Variants in OXR1 observed in about 807,000 individuals in gnomAD.
The protein encoded by OXR1 is oxidation resistance protein 1.
In OXR1, 41 loss-of-function variants were observed where a neutral mutation model predicts 104.6. The observed-to-expected ratio is 0.39, with a 90% CI of 0.31 to 0.51. The LOEUF is 0.51. Ranked by LOEUF, OXR1 falls within the 20% of genes least tolerant of loss-of-function variation. The pLI, the probability that OXR1 is intolerant of heterozygous loss-of-function variation, is 0.77. For missense variants in OXR1, 955 were observed against 1,031.9 expected (o/e 0.93, Z 1.02); for synonymous variants, 348 against 348.4 (o/e 1.00, Z 0.01).
intron 2 of OXR1, among the ~76,000 whole-genome samples, chr8:106,508,245 C>A (rs1276760285): frequency 6.6e-6 from 1 of 152,154 alleles, no homozygotes; most frequent in African/African-American, 2.4e-5. Context: ...ATGTTCTCTT[C>A]TGTAATAGAA....
intron 14 of OXR1, among the ~76,000 whole-genome samples, chr8:106,740,742 C>T (rs149809972): frequency 6.6e-6 from 1 of 151,978 alleles, no homozygotes; most frequent in East Asian, 1.9e-4. Context: ...ATACCAACAT[C>T]TCTAATGGTG....
chr8:106,387,374 C>A (rs1404062152), intron 2 of OXR1, among the ~76,000 whole-genome samples: 2 of 152,058 alleles, frequency 1.3e-5, no homozygotes, highest in Non-Finnish European at 2.9e-5. Context: ...GTGGGTTTAC[C>A]ACAGAAACTC....
chr8:106,726,180 G>T (rs571764077), intron 11 of OXR1: 65 of 1,489,636 alleles, frequency 4.4e-5, no homozygotes, highest in Admixed American at 3.3e-4. Flanking sequence ...TTTGACAGAG[G>T]AAGAATGCTT....
At chr8:106,547,929 A>G (rs1462327439) in intron 3 of OXR1, among the ~76,000 whole-genome samples, 1 of 152,140 alleles carries the variant, frequency 6.6e-6, no homozygotes, top group Non-Finnish European at 1.5e-5. Flanking sequence ...ACTACTATAA[A>G]CATGGACGTA....
intron 8 of OXR1, among the ~76,000 whole-genome samples, chr8:106,705,288 T>G (rs1831037015): frequency 6.6e-6 from 1 of 152,142 alleles, no homozygotes; most frequent in Non-Finnish European, 1.5e-5. Flanking sequence ...ACAAACTAGA[T>G]TCTTGTTTTT....
chr8:106,730,000 C>G (rs1833729057), intron 11 of OXR1: 2 of 151,756 alleles, frequency 1.3e-5, no homozygotes, highest in Admixed American at 1.3e-4. Flanking sequence ...TTTTTCTCAT[C>G]TTGTGTCACC....
chr8:106,379,717 T>C (rs1187413324), intron 2 of OXR1, among the ~76,000 whole-genome samples: 1 of 151,850 alleles, frequency 6.6e-6, no homozygotes, highest in Non-Finnish European at 1.5e-5. Context: ...TTTGTATTTT[T>C]ATCATGGTAG....
intron 2 of OXR1, among the ~76,000 whole-genome samples, chr8:106,514,151 G>A (rs1390350827): frequency 6.6e-6 from 1 of 151,890 alleles, no homozygotes; most frequent in Admixed American, 6.6e-5. Flanking sequence ...GCTTATTTTT[G>A]TCTTCATTTT....
chr8:106,394,612 C>G (rs755397450), intron 2 of OXR1, among the ~76,000 whole-genome samples: 6 of 152,056 alleles, frequency 3.9e-5, no homozygotes, highest in Non-Finnish European at 5.9e-5. Context: ...AGAGTGGGAC[C>G]TATTGATTTT....
At chr8:106,425,086 T>G (rs1819058880) in intron 2 of OXR1, among the ~76,000 whole-genome samples, 1 of 137,986 alleles carries the variant, frequency 7.2e-6, no homozygotes, top group South Asian at 2.5e-4. Flanking sequence ...TGGTTTGGTT[T>G]TTTTTTTTTT....
At chr8:106,465,011 G>T (rs1462653788) in intron 2 of OXR1, among the ~76,000 whole-genome samples, 1 of 152,002 alleles carries the variant, frequency 6.6e-6, no homozygotes, top group Non-Finnish European at 1.5e-5. Flanking sequence ...CAGGAGGAAA[G>T]GGGAGATAAG....
At chr8:106,573,179 G>A (rs932508321) in intron 3 of OXR1, among the ~76,000 whole-genome samples, 3 of 152,016 alleles carry the variant, frequency 2.0e-5, no homozygotes, top group Admixed American at 1.3e-4. Flanking sequence ...GTCCATCCAC[G>A]TTAGCAAGGG....
At chr8:106,739,376 C>T in intron 12 of OXR1, 82 bp from the exon 13 acceptor site, 1 of 1,263,158 alleles carries the variant, frequency 7.9e-7, no homozygotes, top group South Asian at 1.3e-5. Context: ...CGATATAAAG[C>T]TTTATTTATC....
At chr8:106,413,047 A>AT (rs900862105) in intron 2 of OXR1, among the ~76,000 whole-genome samples, 17 of 152,074 alleles carry the variant, frequency 1.1e-4, no homozygotes, top group Admixed American at 9.2e-4. Flanking sequence ...GACTTAGAAC[A>AT]TTTTTTGGCA....
chr8:106,584,351 A>G (rs1185775555), intron 3 of OXR1, among the ~76,000 whole-genome samples: 1 of 152,008 alleles, frequency 6.6e-6, no homozygotes, highest in African/African-American at 2.4e-5. Context: ...AAAGTCAAAG[A>G]AATAATGTGA....
chr8:106,396,607 T>A (rs1817793229), intron 2 of OXR1, among the ~76,000 whole-genome samples: 1 of 152,106 alleles, frequency 6.6e-6, no homozygotes, highest in South Asian at 2.1e-4. Context: ...GCAGTATGGT[T>A]CCCTGGAATG....
chr8:106,601,498 A>G (rs1819968320), intron 3 of OXR1, among the ~76,000 whole-genome samples: 1 of 152,150 alleles, frequency 6.6e-6, no homozygotes, highest in South Asian at 2.1e-4. Flanking sequence ...CCTTCCATCT[A>G]ATATACTAGA....
chr8:106,585,518 T>C (rs2130657816), intron 3 of OXR1, among the ~76,000 whole-genome samples: 1 of 152,280 alleles, frequency 6.6e-6, no homozygotes, highest in South Asian at 2.1e-4. Flanking sequence ...CCATTCTACA[T>C]GCTATAGTAA....
chr8:106,415,961 T>G (rs1263793989), intron 2 of OXR1, among the ~76,000 whole-genome samples: 1 of 152,104 alleles, frequency 6.6e-6, no homozygotes, highest in Non-Finnish European at 1.5e-5. Flanking sequence ...GGGCTTTTGC[T>G]CATTCCACAA....
Sources: allele counts gnomAD v4.1 joint callset (sites outside exome capture counted in the v4.1 genomes callset), GRCh38; gene constraint gnomAD v4.1.1; transcripts MANE v1.5; gene names NCBI Gene and HGNC (gene_info 2026-07-23, HGNC 2026-07-21).